ARHGAP8: variants seen among roughly 807,000 people sequenced by gnomAD.
The protein encoded by ARHGAP8 is rho GTPase-activating protein 8.
In ARHGAP8, 62 loss-of-function variants were observed where a neutral mutation model predicts 46.1. That is an observed-to-expected ratio of 1.34 (90% CI 1.10 to 1.66). ARHGAP8 has a LOEUF of 1.66. Among genes scored for constraint, ARHGAP8 ranks in the 40% most tolerant of loss-of-function variants. The probability of loss-of-function intolerance (pLI) is 0.00; values close to 1 mark genes in which losing one functional copy is unlikely to be tolerated. For synonymous variants in ARHGAP8, 375 were observed against 243.1 expected (o/e 1.54, Z -5.05); for missense variants, 923 against 568.4 (o/e 1.62, Z -6.34).
In ARHGAP8 at chr22:44,810,811, G is replaced by A. The variant is rs78808522; in HGVS notation, c.299+2373G>A. Among the ~76,000 whole-genome samples the A allele has an allele frequency of 6.0e-3, 916 of 151,624 alleles. 7 individuals are homozygous for A. Among genetic ancestry groups the A allele is most frequent in the African/African-American group, 0.022 (880 of 40,916 alleles). On this transcript the variant is annotated intron_variant, in intron 4 of 11. Coordinates refer to ENST00000356099, the MANE Select transcript of ARHGAP8 (RefSeq NM_181335.3). ...TAGGGTTCCCGTGGGGAGCCGTGGA[G>A]GGAGGCAGCAAAGGAGGGAGGGGCA...
intron 1 of ARHGAP8, among the ~76,000 whole-genome samples, chr22:44,777,997 A>ATTTT (rs1472524238): frequency 2.8e-4 from 40 of 142,186 alleles, no homozygotes; most frequent in East Asian, 1.7e-3. Context: ...TGCCTGGACT[A>ATTTT]TTTTATTTAT....
At chr22:44,859,694 C>G in intron 10 of ARHGAP8, 37 bp from the exon 11 acceptor site, 3 of 1,607,450 alleles carry the variant, frequency 1.9e-6, no homozygotes, top group Non-Finnish European at 2.5e-6. Flanking sequence ...GCCCCTGGCC[C>G]CTCTGGAGCT....
intron 4 of ARHGAP8, among the ~76,000 whole-genome samples, chr22:44,810,884 G>T (rs1203143172): frequency 6.6e-6 from 1 of 152,158 alleles, no homozygotes; most frequent in Admixed American, 6.5e-5. Context: ...GCCATGGCAG[G>T]TGCTTGAGGA....
chr22:44,808,633 G>A (rs1374394978), intron 4 of ARHGAP8, 195 bp downstream of exon 4: 1 of 1,062,886 alleles, frequency 9.4e-7, no homozygotes, highest in Admixed American at 2.1e-5. Flanking sequence ...GGCAGGGGTT[G>A]GCACTCATTT....
At chr22:44,771,472 C>G (rs1447749990) in intron 1 of ARHGAP8, among the ~76,000 whole-genome samples, 2 of 151,428 alleles carry the variant, frequency 1.3e-5, no homozygotes, top group Non-Finnish European at 2.9e-5. Context: ...GTCTCGAACT[C>G]CTGACCTCAG....
At chr22:44,859,965 C>T (rs2070387926) in intron 11 of ARHGAP8, 131 bp downstream of exon 11, 4 of 1,100,674 alleles carry the variant, frequency 3.6e-6, no homozygotes, top group Non-Finnish European at 5.1e-6. Flanking sequence ...AATACCACTC[C>T]CTGCCCCCCA....
intron 7 of ARHGAP8, among the ~76,000 whole-genome samples, chr22:44,833,347 G>C (rs960904442): frequency 6.6e-6 from 1 of 151,810 alleles, no homozygotes; most frequent in Non-Finnish European, 1.5e-5. Flanking sequence ...TTGTTGAGTG[G>C]TTGGTTGGTT....
intron 6 of ARHGAP8, among the ~76,000 whole-genome samples, chr22:44,823,887 G>C (rs751573940): frequency 6.6e-6 from 1 of 152,176 alleles, no homozygotes; most frequent in Non-Finnish European, 1.5e-5. Flanking sequence ...CTGTGAGTCA[G>C]AGGGGATGAG....
chr22:44,792,568 C>A (rs1013809443), intron 2 of ARHGAP8, among the ~76,000 whole-genome samples: 1 of 152,170 alleles, frequency 6.6e-6, no homozygotes, highest in Non-Finnish European at 1.5e-5. Flanking sequence ...AGGACTTCTT[C>A]GGCCAAGGGC....
intron 11 of ARHGAP8, among the ~76,000 whole-genome samples, chr22:44,860,861 G>C (rs899741687): frequency 6.6e-6 from 1 of 152,242 alleles, no homozygotes; most frequent in Non-Finnish European, 1.5e-5. Flanking sequence ...GCCCCAGGCT[G>C]TGCAGGGTGA....
chr22:44,861,461 C>T (rs1054910274), intron 11 of ARHGAP8, among the ~76,000 whole-genome samples: 1 of 118,030 alleles, frequency 8.5e-6, no homozygotes, highest in Admixed American at 8.3e-5. Flanking sequence ...GCTTGGGGGA[C>T]CGGCAGCCAG....
At position 44,862,524 on chromosome 22, in the gene ARHGAP8, ACACAAGCCACGGG is replaced by A. The variant is rs745959070; in HGVS notation, c.1233_1245del (p.Gln412SerfsTer11). On this transcript the variant is annotated frameshift_variant, in exon 12 of 12. Transcript: ENST00000356099. LOFTEE classifies it low-confidence loss of function (END_TRUNC). The stretch of plus-strand genomic sequence containing the variant: ...CCCTTTGCAGGAGGCTGTGCCACGG[ACACAAGCCACGGG>A]CCTCACCAAGCCTACCCTACCTCCG... 5 of 1,611,076 alleles carry A rather than the reference ACACAAGCCACGGG, an allele frequency of 3.1e-6. No homozygotes were observed. Among genetic ancestry groups the A allele is most frequent in the South Asian group, 2.2e-5 (2 of 90,948 alleles).
rs774759039 is a variant in ARHGAP8 at position 44,859,729 on chromosome 22, A to C, written c.878-2A>C. On this transcript the variant is annotated splice_acceptor_variant, in intron 10 of 11. Coordinates refer to ENST00000356099, the MANE Select transcript of ARHGAP8 (RefSeq NM_181335.3). LOFTEE classifies it high-confidence loss of function. ...TCAGCAGGGAGCCCCATGCCCTTCC[A>C]GGTGTGGAGAGCAGCCTGCGTGTCA... is the stretch of plus-strand genomic sequence containing the variant. The C allele has an allele frequency of 6.2e-6, 10 of 1,613,374 alleles. No individual in the cohort carries two copies. The South Asian group carries it at 7.7e-5, about 12-fold the overall frequency.
At chr22:44,811,340 G>A (rs950334369) in intron 4 of ARHGAP8, among the ~76,000 whole-genome samples, 2 of 152,246 alleles carry the variant, frequency 1.3e-5, no homozygotes, top group Non-Finnish European at 2.9e-5. Flanking sequence ...GGCCGGCCTC[G>A]TGGCAACCTG....
chr22:44,862,422 T>C lies in ARHGAP8; in HGVS notation c.1129T>C (p.Tyr377His), dbSNP rs752134176. The C allele has an allele frequency of 5.6e-6, 9 of 1,613,960 alleles. No homozygotes were observed. The highest frequency in any genetic ancestry group is 5.5e-5 in the South Asian group (5 of 91,082). Residue 377 changes from tyrosine (Y) to histidine (H), a missense_variant, in exon 12 of 12, where the codon TAT (tyrosine) becomes CAT (histidine). Physicochemically the swap from Tyr to His is moderately conservative, Grantham distance 83. Transcript: ENST00000356099. ...NMFTELLIEYYEKIFSTPEAP... is the reference protein window; with the variant it reads ...NMFTELLIEYHEKIFSTPEAP... ...GTTCACTGAACTGCTGATCGAGTAC[T>C]ATGAAAAGATCTTCAGCACCCCGGA...
Position 44,862,666 on chromosome 22 carries a change from TGG to T in ARHGAP8, c.*72_*73del. ...TGTGCACTTGTATGTTTTGTAAACT[TGG>T]CATCTGTAAAAATAACCAGCCATTA... On this transcript the variant is annotated 3_prime_UTR_variant, in exon 12 of 12. Coordinates refer to ENST00000356099, the MANE Select transcript of ARHGAP8 (RefSeq NM_181335.3). 6.7e-7 allele frequency: 1 copy of T among 1,483,372 alleles called. No homozygotes were observed. The highest frequency in any genetic ancestry group is 9.0e-7 in the Non-Finnish European group (1 of 1,116,702). 91.9% of individuals were successfully genotyped at this position (1,483,372 alleles called of 1,614,324 possible).
intron 10 of ARHGAP8, among the ~76,000 whole-genome samples, chr22:44,856,254 C>CTT (rs557242169): frequency 0.013 from 1,094 of 86,692 alleles, 130 homozygotes; most frequent in African/African-American, 0.033. Context: ...TATAAATTCC[C>CTT]TTTTTTTTTT....
At chr22:44,772,704 A>G (rs1428909231) in intron 1 of ARHGAP8, among the ~76,000 whole-genome samples, 1 of 149,848 alleles carries the variant, frequency 6.7e-6, no homozygotes, top group Non-Finnish European at 1.5e-5. Flanking sequence ...GTTAGAAGGT[A>G]TTTCCTTATC....
intron 11 of ARHGAP8, 113 bp from the exon 12 acceptor site, chr22:44,862,162 A>C (rs867504514): frequency 1.3e-5 from 17 of 1,298,576 alleles, no homozygotes; most frequent in African/African-American, 1.0e-4. Flanking sequence ...GCCGGCTCCC[A>C]GTCCAGTGCT....
Sources: gnomAD v4.1 joint callset for allele counts (sites outside exome capture counted in the v4.1 genomes callset) on GRCh38, gnomAD v4.1.1 for gene constraint, MANE v1.5 for transcripts, NCBI Gene and HGNC (gene_info 2026-07-23, HGNC 2026-07-21) for gene names.